Variants in TBC1D5 observed in about 807,000 individuals in gnomAD.
TBC1D5 encodes TBC1 domain family, member 5.
Under a neutral mutation model 100.3 loss-of-function variants are expected in TBC1D5, and 75 were observed. The ratio of observed to expected loss-of-function variants is 0.75; its 90% CI spans 0.62 to 0.91. TBC1D5 has a LOEUF of 0.91. Among genes scored for constraint, TBC1D5 ranks in the 40% least tolerant of loss-of-function variants. The pLI, the probability that TBC1D5 is intolerant of heterozygous loss-of-function variation, is 0.00. For synonymous variants in TBC1D5, 323 were observed against 325.6 expected (o/e 0.99, Z 0.09); for missense variants, 910 against 942.4 (o/e 0.97, Z 0.45).
intron 1 of TBC1D5, among the ~76,000 whole-genome samples, chr3:17,657,137 AAAAC>A (rs910536572): frequency 2.6e-5 from 4 of 152,062 alleles, no homozygotes; most frequent in Admixed American, 6.6e-5. Flanking sequence ...CAAAAAAAAC[AAAAC>A]AAACAAACAA....
chr3:17,668,051 C>T (rs2067479170), intron 1 of TBC1D5, among the ~76,000 whole-genome samples: 1 of 151,016 alleles, frequency 6.6e-6, no homozygotes, highest in Admixed American at 6.6e-5. Flanking sequence ...CAACATTCTA[C>T]ATATGATTTA....
At chr3:17,408,445 G>A (rs1429315982) in intron 4 of TBC1D5, among the ~76,000 whole-genome samples, 1 of 151,928 alleles carries the variant, frequency 6.6e-6, no homozygotes, top group Non-Finnish European at 1.5e-5. Flanking sequence ...CTGTAGCTGA[G>A]GCTACTCAGG....
intron 14 of TBC1D5, among the ~76,000 whole-genome samples, chr3:17,303,929 T>A (rs986384234): frequency 1.3e-5 from 2 of 151,288 alleles, no homozygotes; most frequent in Non-Finnish European, 2.9e-5. Flanking sequence ...GGTTTTTTCT[T>A]GGCTCTTAAT....
At position 17,624,003 on chromosome 3, in the gene TBC1D5, C is replaced by T. The variant is rs78795175; in HGVS notation, c.-100-90G>A. ...CAATTCAAGAAAATATTTTAATAAA[C>T]TGATTCATATACAACTTAATGTACA... On this transcript the variant is annotated intron_variant, in intron 1 of 21. Coordinates refer to ENST00000253692, the Ensembl canonical transcript of TBC1D5. 652 of 151,828 alleles carry T rather than the reference C, an allele frequency of 4.3e-3. 4 individuals are homozygous for T. The highest frequency in any genetic ancestry group is 0.014 in the African/African-American group (588 of 41,402). 9.4% of individuals were successfully genotyped at this position (151,828 alleles called of 1,614,324 possible).
At position 17,198,587 on chromosome 3, in the gene TBC1D5, C is replaced by A. The variant is rs147498876; in HGVS notation, c.1753-13379G>T. Among the ~76,000 whole-genome samples the A allele has an allele frequency of 9.1e-3, 1,380 of 152,180 alleles. 17 individuals are homozygous for A. Among genetic ancestry groups the A allele is most frequent in the African/African-American group, 0.031 (1,294 of 41,488 alleles). On this transcript the variant is annotated intron_variant, in intron 18 of 21. Transcript: ENST00000253692. ...TTTGTGTTTTATCTGGCAAACCTAC[C>A]TTTAAAAAATGCCCTAGAAGACATG...
rs542901270 is a variant in TBC1D5 at position 17,202,341 on chromosome 3, G to A, written c.1752+11866C>T. The stretch of plus-strand genomic sequence containing the variant: ...CTGCTTCTAACAGCATATGGTCATA[G>A]GCATGAGCAAAGAGATGATCTGAAA... On this transcript the variant is annotated intron_variant, in intron 18 of 21. Coordinates refer to ENST00000253692, the Ensembl canonical transcript of TBC1D5. Among the ~76,000 whole-genome samples the A allele has an allele frequency of 1.6e-3, 248 of 152,292 alleles. 2 individuals carry two copies. Among genetic ancestry groups the A allele is most frequent in the African/African-American group, 5.7e-3 (239 of 41,578 alleles).
intron 3 of TBC1D5, among the ~76,000 whole-genome samples, chr3:17,455,530 A>ATGTG (rs144088938): frequency 0.29 from 42,104 of 142,918 alleles, 6,606 homozygotes; most frequent in African/African-American, 0.35. Context: ...ATATATATAT[A>ATGTG]TGTGTGTGTG....
intron 3 of TBC1D5, among the ~76,000 whole-genome samples, chr3:17,456,435 G>A (rs1248272996): frequency 6.6e-6 from 1 of 152,142 alleles, no homozygotes; most frequent in East Asian, 1.9e-4. Flanking sequence ...TATATAAGGA[G>A]CTCACAAAAC....
chr3:17,314,302 T>A (rs1364485341), intron 13 of TBC1D5, among the ~76,000 whole-genome samples: 1 of 152,164 alleles, frequency 6.6e-6, no homozygotes, highest in African/African-American at 2.4e-5. Flanking sequence ...TGACCACAGA[T>A]GATCTTGATC....
intron 2 of TBC1D5, among the ~76,000 whole-genome samples, chr3:17,570,230 A>G (rs2096618665): frequency 6.6e-6 from 1 of 152,012 alleles, no homozygotes; most frequent in East Asian, 1.9e-4. Flanking sequence ...ACCAAGATAC[A>G]ATATATAAAT....
chr3:17,533,664 C>A (rs1417442619), intron 2 of TBC1D5, among the ~76,000 whole-genome samples: 2 of 152,126 alleles, frequency 1.3e-5, no homozygotes, highest in East Asian at 3.8e-4. Flanking sequence ...GTCAAAAGGT[C>A]TTTAGCACTT....
intron 3 of TBC1D5, among the ~76,000 whole-genome samples, chr3:17,482,899 C>T (rs1050078427): frequency 1.3e-5 from 2 of 152,068 alleles, no homozygotes; most frequent in Non-Finnish European, 2.9e-5. Flanking sequence ...TTGTAACCTG[C>T]TTAATTCGCC....
intron 17 of TBC1D5, among the ~76,000 whole-genome samples, chr3:17,219,081 C>CT (rs1229094817): frequency 6.7e-6 from 1 of 149,822 alleles, no homozygotes; most frequent in African/African-American, 2.5e-5. Context: ...CCTTGAGGCT[C>CT]TTTTTGTTTT....
Position 17,374,559 on chromosome 3 carries a change from A to G in TBC1D5, c.753-19T>C. On this transcript the variant is annotated intron_variant, in intron 11 of 21. Coordinates refer to ENST00000253692, the Ensembl canonical transcript of TBC1D5. ...CACTGCACTAAAAATAAAATAACAC[A>G]ATGCTATGTAACTTTCATTAAAATA... 4.3e-6 allele frequency: 7 copies of G among 1,610,224 alleles called. No homozygotes were observed. Among genetic ancestry groups the G allele is most frequent in the Non-Finnish European group, 5.1e-6 (6 of 1,178,354 alleles).
At chr3:17,598,791 A>C (rs918561211) in intron 2 of TBC1D5, among the ~76,000 whole-genome samples, 1 of 152,348 alleles carries the variant, frequency 6.6e-6, no homozygotes, top group African/African-American at 2.4e-5. Context: ...TAATTTAGAT[A>C]TATCTTTTCT....
chr3:17,503,078 C>G lies in TBC1D5; in HGVS notation c.97+5396G>C, dbSNP rs541204114. Among the ~76,000 whole-genome samples the G allele has an allele frequency of 2.7e-5, 4 of 149,722 alleles. No homozygotes were observed. In the South Asian group the frequency reaches 8.4e-4, roughly 31 times the overall value. ...CAGCCAGAATAATCTTTGTAAAATG[C>G]AAATCTGACCACAAGATCCTTTCAC... On this transcript the variant is annotated intron_variant, in intron 3 of 21. Coordinates refer to ENST00000253692, the Ensembl canonical transcript of TBC1D5.
chr3:17,607,119 A>G (rs2061376636), intron 2 of TBC1D5, among the ~76,000 whole-genome samples: 1 of 152,190 alleles, frequency 6.6e-6, no homozygotes. Context: ...AATAAAGATG[A>G]TCTAAAAACT....
intron 7 of TBC1D5, among the ~76,000 whole-genome samples, chr3:17,403,744 T>C (rs2093701196): frequency 6.6e-6 from 1 of 152,156 alleles, no homozygotes; most frequent in Non-Finnish European, 1.5e-5. Flanking sequence ...CAGATTGTAG[T>C]GCCCATGAGG....
chr3:17,482,845 C>A (rs779004879), intron 3 of TBC1D5, among the ~76,000 whole-genome samples: 3 of 152,052 alleles, frequency 2.0e-5, no homozygotes, highest in Non-Finnish European at 4.4e-5. Context: ...AACTAATTGT[C>A]AGGATTGGGG....
Sources: allele counts gnomAD v4.1 joint callset (sites outside exome capture counted in the v4.1 genomes callset), GRCh38; gene constraint gnomAD v4.1.1; transcripts MANE v1.5; gene names NCBI Gene and HGNC (gene_info 2026-07-23, HGNC 2026-07-21).